Variants in FBN3 observed in about 807,000 individuals in gnomAD.
FBN3 encodes the protein fibrillin 3, also known as fibrillin-3.
Under a neutral mutation model 330.1 loss-of-function variants are expected in FBN3, and 234 were observed. That is an observed-to-expected ratio of 0.71 (90% confidence interval 0.64 to 0.79). FBN3 has a LOEUF of 0.79. FBN3 is among the 30% of genes least tolerant of loss of function. FBN3 has a pLI of 0.00. For synonymous variants in FBN3, 1,458 were observed against 1,517.3 expected, an observed-to-expected ratio of 0.96 and a Z score of 0.91; for missense variants, 3,606 against 3,886.9, an observed-to-expected ratio of 0.93 and a Z score of 1.92.
rs753170398 is a variant in FBN3 at position 8,129,319 on chromosome 19, C to T, written c.2091G>A (p.Val697=). ...ALDPEVCANG[V]CENLRGSYRC... ...GGTAGCTGCCCCGAAGGTTCTCGCACACGCCATTGGCACAAACCTCAGGAT... is the reference window on the plus strand; with the variant it reads ...GGTAGCTGCCCCGAAGGTTCTCGCATACGCCATTGGCACAAACCTCAGGAT... The change falls in exon 17 of 64, where the codon GTG becomes GTA. Residue 697 remains valine (V), a synonymous_variant. Coordinates refer to ENST00000600128, the MANE Select transcript of FBN3 (RefSeq NM_032447.5). The surrounding 1 kb of genome is among the most constrained non-coding windows in gnomAD (Gnocchi z 4.5). 1.7e-5 allele frequency: 28 copies of T among 1,614,114 alleles called. 1 individual carries two copies. The South Asian group carries it at 3.0e-4, about 17-fold the overall frequency.
intron 63 of FBN3, among the ~76,000 whole-genome samples, chr19:8,066,942 A>G (rs145807215): frequency 1.9e-3 from 285 of 152,182 alleles, no homozygotes; most frequent in Non-Finnish European, 3.1e-3. Context: ...TGTTTGGATG[A>G]TGGGATCAGC....
At chr19:8,143,664 T>C (rs7507795) in intron 6 of FBN3, among the ~76,000 whole-genome samples, 46,859 of 151,470 alleles carry the variant, frequency 0.31, 7,989 homozygotes, top group South Asian at 0.48. Flanking sequence ...CATTTTTTTG[T>C]GTATTTTTAG....
chr19:8,090,154 CTTACTG>C lies in FBN3; in HGVS notation c.6123_6128del (p.Cys2041_Lys2043delinsTrp). 1 of 1,614,078 alleles carries C rather than the reference CTTACTG, an allele frequency of 6.2e-7. No individual in the cohort carries two copies. The highest frequency in any genetic ancestry group is 8.5e-7 in the Non-Finnish European group (1 of 1,180,006). On this transcript the variant is annotated inframe_deletion, in exon 49 of 64. Coordinates refer to ENST00000600128, the MANE Select transcript of FBN3 (RefSeq NM_032447.5). ...GGTCTCCCCAGCCCTCCCCAGGCCT[CTTACTG>C]CAGCAGCAGCGGGTCTTGGTGGTGT...
chr19:8,115,406 G>A (rs1361870736), intron 30 of FBN3, 109 bp downstream of exon 30: 2 of 1,343,776 alleles, frequency 1.5e-6, no homozygotes, highest in Non-Finnish European at 2.0e-6. Flanking sequence ...GGAAATCTAT[G>A]AGAATGAATT....
chr19:8,069,640 CAGA>C (rs953264365), intron 63 of FBN3, among the ~76,000 whole-genome samples: 2 of 152,110 alleles, frequency 1.3e-5, no homozygotes, highest in African/African-American at 4.8e-5. Context: ...GGCTGGAGTG[CAGA>C]GGTGTGATCA....
Position 8,073,212 on chromosome 19 carries a change from G to A in FBN3, c.7788C>T (p.Pro2596=), listed in dbSNP as rs2081563702. 6.2e-7 allele frequency: 1 copy of A among 1,613,970 alleles called. No homozygotes were observed. Among genetic ancestry groups the A allele is most frequent in the Non-Finnish European group, 8.5e-7 (1 of 1,180,028 alleles). ...NTLGGFRCVC[P]SGFDFDQALG... is the part of the protein sequence containing the mutation. ...GGGCCTGATCAAAGTCAAAGCCAGA[G>A]GGGCAGACGCAGCGGAAGCCACCAA... The change falls in exon 62 of 64, where the codon CCC becomes CCT. Residue 2596 remains proline (P), a synonymous_variant. Coordinates refer to ENST00000600128, the MANE Select transcript of FBN3 (RefSeq NM_032447.5).
intron 63 of FBN3, among the ~76,000 whole-genome samples, chr19:8,070,861 A>G (rs1215606328): frequency 6.6e-6 from 1 of 152,106 alleles, no homozygotes; most frequent in Non-Finnish European, 1.5e-5. Context: ...CGTCTCTACT[A>G]AAAATACAGA....
At chr19:8,124,364 C>G (rs2082929457) in intron 22 of FBN3, among the ~76,000 whole-genome samples, 1 of 151,990 alleles carries the variant, frequency 6.6e-6, no homozygotes, top group Admixed American at 6.6e-5. Context: ...CGGCCTCAGC[C>G]TCCCGAGGAG....
Position 8,090,205 on chromosome 19 carries a change from G to T in FBN3, c.6078C>A (p.Cys2026Ter), listed in dbSNP as rs1212846048. ...FCFTRFEAGK[C>*]SVPKAFNTTK... ...TGGTGTTGAAAGCTTTGGGCACCGA[G>T]CACTTCCCAGCCTCAAAACGGGTGA... The change falls in exon 49 of 64, where the codon TGC (cysteine) becomes TGA (stop). Residue 2026 changes from cysteine (C) to a stop codon, truncating the protein, a stop_gained. Coordinates refer to ENST00000600128, the MANE Select transcript of FBN3 (RefSeq NM_032447.5). LOFTEE classifies it high-confidence loss of function. 13 of 1,613,952 alleles carry T rather than the reference G, an allele frequency of 8.1e-6. No homozygotes were observed. Among genetic ancestry groups the T allele is most frequent in the Non-Finnish European group, 1.1e-5 (13 of 1,180,010 alleles).
At position 8,109,136 on chromosome 19, in the gene FBN3, C is replaced by T; in HGVS notation, c.4618+91G>A. On this transcript the variant is annotated intron_variant, in intron 36 of 63. Transcript: ENST00000600128. The surrounding 1 kb of genome is among the most constrained non-coding windows in gnomAD (Gnocchi z 5.2). ...TCTTGGTTTTCCTGTCGCCTAAGCC[C>T]CCCACCACCGCCATTAGCAGAGGTG... The T allele has an allele frequency of 7.6e-7, 1 of 1,308,484 alleles. No homozygotes were observed. Among genetic ancestry groups the T allele is most frequent in the African/African-American group, 1.5e-5 (1 of 68,556 alleles). The allele number at this position is 1,308,484 out of a possible 1,614,324, so 81.1% of individuals were successfully genotyped here.
In FBN3 at chr19:8,096,534, T is replaced by G. The variant is rs2082212301; in HGVS notation, c.5449A>C (p.Ser1817Arg). Residue 1817 changes from serine (S) to arginine (R), a missense_variant, in exon 44 of 64, where the codon AGC becomes CGC. By Grantham distance (110) the Ser-to-Arg change is moderately radical. Transcript: ENST00000600128. This position sits in a 1 kb window ranked among gnomAD's most constrained non-coding sequence, Gnocchi z 4.6. ...NECREIPNVC[S>R]HGDCMDTEGS... Reference sequence around the variant, plus strand: ...TCTGTGTCCATGCAGTCACCATGGCTACAGACATTCGGGATCTCCCGACAC... The same window carrying G: ...TCTGTGTCCATGCAGTCACCATGGCGACAGACATTCGGGATCTCCCGACAC... 1.9e-6 allele frequency: 3 copies of G among 1,613,772 alleles called. No homozygotes were observed. Among genetic ancestry groups the G allele is most frequent in the Non-Finnish European group, 2.5e-6 (3 of 1,179,920 alleles).
At position 8,121,462 on chromosome 19, in the gene FBN3, C is replaced by T. The variant is rs928896498; in HGVS notation, c.3083-76G>A. The T allele has an allele frequency of 3.5e-6, 5 of 1,414,448 alleles. No individual in the cohort carries two copies. The African/African-American group carries it at 4.3e-5, about 12-fold the overall frequency. 87.6% of individuals were successfully genotyped at this position (1,414,448 alleles called of 1,614,324 possible). ...GGGCACGAGGCAGGGGGGTCCCTGT[C>T]CTTTGATGGAGGTGTGGGCTAGAGG... On this transcript the variant is annotated intron_variant, in intron 24 of 63. Coordinates refer to ENST00000600128, the MANE Select transcript of FBN3 (RefSeq NM_032447.5). This position sits in a 1 kb window ranked among gnomAD's most constrained non-coding sequence, Gnocchi z 4.5.
At chr19:8,078,067 G>A (rs574194900) in intron 59 of FBN3, among the ~76,000 whole-genome samples, 1 of 152,170 alleles carries the variant, frequency 6.6e-6, no homozygotes, top group Non-Finnish European at 1.5e-5. Context: ...GACAGAGCAA[G>A]ACTCCATCTC....
rs199741066 is a variant in FBN3, at chr19:8,136,186, G to A, written c.1465+4C>T. ...CACCCCTACTCTTGGATGGACAGCC[G>A]TACCCACGCATGCCTGCCTGGTGGG... On this transcript the variant is annotated splice_donor_region_variant and intron_variant, in intron 12 of 63. Coordinates refer to ENST00000600128, the MANE Select transcript of FBN3 (RefSeq NM_032447.5). 23 of 1,613,536 alleles carry A rather than the reference G, an allele frequency of 1.4e-5. No individual in the cohort carries two copies. The highest frequency in any genetic ancestry group is 6.7e-5 in the African/African-American group (5 of 75,042).
intron 59 of FBN3, among the ~76,000 whole-genome samples, chr19:8,076,247 C>CGTGTGTGTGTGT (rs34549426): frequency 0.025 from 3,640 of 147,704 alleles, 54 homozygotes; most frequent in Middle Eastern, 0.059. Context: ...TGTCCGTGTG[C>CGTGTGTGTGTGT]GTGTGTGTGT....
rs114748054 is a variant in FBN3 at position 8,109,214 on chromosome 19, C to T, written c.4618+13G>A. 1,032 of 1,613,754 alleles carry T rather than the reference C, an allele frequency of 6.4e-4. 4 individuals carry two copies. The African/African-American group carries it at 0.012, about 20-fold the overall frequency. The stretch of plus-strand genomic sequence containing the variant: ...CTTAGGTCACGGTGTTCAACTGCCC[C>T]GCAGGGACTCACTGGTGTTGGCCAT... On this transcript the variant is annotated intron_variant, in intron 36 of 63. Coordinates refer to ENST00000600128, the MANE Select transcript of FBN3 (RefSeq NM_032447.5). The surrounding 1 kb of genome is among the most constrained non-coding windows in gnomAD (Gnocchi z 5.2).
At chr19:8,116,861 C>A in intron 28 of FBN3, 62 bp from the exon 29 acceptor site, 1 of 1,570,050 alleles carries the variant, frequency 6.4e-7, no homozygotes, top group South Asian at 1.2e-5. Flanking sequence ...CAGTACACAT[C>A]TGCTCCCCAG....
chr19:8,121,382 G>A lies in FBN3; in HGVS notation c.3087C>T (p.Ile1029=), dbSNP rs267605773. 3.1e-6 allele frequency: 5 copies of A among 1,587,878 alleles called. No individual in the cohort carries two copies. The highest frequency in any genetic ancestry group is 2.3e-5 in the East Asian group (1 of 43,924). Residue 1029 remains isoleucine, a synonymous_variant, in exon 25 of 64, where the codon ATC becomes ATT. Coordinates refer to ENST00000600128, the MANE Select transcript of FBN3 (RefSeq NM_032447.5). The surrounding 1 kb of genome is among the most constrained non-coding windows in gnomAD (Gnocchi z 4.5). ...GGTCAGGAGAGATGCGACACTCGTC[G>A]ATATCTGTGGGGAGAGGGGGCAGAG... The part of the protein sequence containing the change: ...LDAQERNCTD[I]DECRISPDLC...
Position 8,121,827 on chromosome 19 carries a change from G to A in FBN3, c.3083-441C>T, listed in dbSNP as rs2082859757. Among the ~76,000 whole-genome samples, 1 of 152,026 alleles carries A rather than the reference G, an allele frequency of 6.6e-6. No individual in the cohort carries two copies. On this transcript the variant is annotated intron_variant, in intron 24 of 63. Transcript: ENST00000600128. The surrounding 1 kb of genome is among the most constrained non-coding windows in gnomAD (Gnocchi z 4.5). ...TGCAGTGATGCAATCTCGGCTCACT[G>A]CAACTTCTGCCTCCCAGGATCAAGC...
Sources: allele counts gnomAD v4.1 joint callset (sites outside exome capture counted in the v4.1 genomes callset), GRCh38; gene constraint gnomAD v4.1.1; non-coding constraint Gnocchi (gnomAD v3.1); transcripts MANE v1.5; gene names NCBI Gene and HGNC (gene_info 2026-07-23, HGNC 2026-07-21).